Variants in IRAG2 observed in about 807,000 individuals in gnomAD.
The protein encoded by IRAG2 is lymphoid restricted membrane protein.
Under a neutral mutation model 69.9 loss-of-function variants are expected in IRAG2, and 45 were observed. The ratio of observed to expected loss-of-function variants is 0.64; its 90% CI spans 0.51 to 0.83. The LOEUF (loss-of-function observed/expected upper bound fraction) is 0.83, where lower values mean the gene tolerates loss of function less well. IRAG2 is among the 40% of genes least tolerant of loss of function. The pLI is 0.00. For synonymous variants in IRAG2, 193 were observed against 202.4 expected (o/e 0.95, Z 0.40); for missense variants, 520 against 587.0 (o/e 0.89, Z 1.18).
chr12:25,011,641 A>G (rs956381657), intron 3 of IRAG2: 1 of 865,288 alleles, frequency 1.2e-6, no homozygotes, highest in Non-Finnish European at 1.5e-6. Context: ...TGTTGATGGA[A>G]ATACTATTGT....
At chr12:25,033,496 C>T (rs951776822) in intron 12 of IRAG2, among the ~76,000 whole-genome samples, 1 of 152,214 alleles carries the variant, frequency 6.6e-6, no homozygotes, top group African/African-American at 2.4e-5. Context: ...CTCTGTTTAG[C>T]TCCAACTAAT....
At chr12:25,092,271 G>A (rs943563937) in intron 14 of IRAG2, among the ~76,000 whole-genome samples, 1 of 151,958 alleles carries the variant, frequency 6.6e-6, no homozygotes, top group East Asian at 1.9e-4. Context: ...GTGGTGGTGG[G>A]CGCCTGTAGT....
chr12:25,005,866 G>T (rs1018920058), intron 2 of IRAG2, among the ~76,000 whole-genome samples: 8 of 152,022 alleles, frequency 5.3e-5, no homozygotes, highest in Non-Finnish European at 1.0e-4. Context: ...AAAAGCAATT[G>T]CAACAAAACA....
At chr12:25,039,470 A>G (rs554873111) in intron 16 of IRAG2, among the ~76,000 whole-genome samples, 16 of 152,284 alleles carry the variant, frequency 1.1e-4, no homozygotes, top group African/African-American at 3.1e-4. Context: ...TCGCTCTGTC[A>G]CCCAGGCTGG....
At chr12:25,104,140 G>C in intron 19 of IRAG2, 82 bp downstream of exon 19, 1 of 1,145,474 alleles carries the variant, frequency 8.7e-7, no homozygotes, top group Non-Finnish European at 1.3e-6. Context: ...CAAATTAAGT[G>C]ATATAGTAAT....
intron 16 of IRAG2, chr12:25,101,826 C>A: frequency 4.5e-6 from 2 of 447,558 alleles, no homozygotes; most frequent in Non-Finnish European, 8.6e-6. Flanking sequence ...TTAAAATAAA[C>A]AATATGAACT....
chr12:25,026,730 T>G (rs543638877), intron 8 of IRAG2: 1 of 810,448 alleles, frequency 1.2e-6, no homozygotes, highest in Non-Finnish European at 1.7e-6. Flanking sequence ...GAGACTTTGT[T>G]TGTCCTCATC....
chr12:25,042,420 A>G (rs759040326), intron 16 of IRAG2, among the ~76,000 whole-genome samples: 1 of 152,146 alleles, frequency 6.6e-6, no homozygotes. Context: ...TGGGAGAAAA[A>G]TCTTCAAAGG....
In IRAG2 at chr12:25,077,305, T is replaced by TG. The variant is rs1353501055; in HGVS notation, c.25-1939_25-1938insG. ...ATATATGATATATATATGAAATATA[T>TG]ATGATATATATGATATATATATGAT... On this transcript the variant is annotated intron_variant, in intron 6 of 21. Coordinates refer to ENST00000556887, the MANE Select transcript of IRAG2 (RefSeq NM_001366544.2). 3.4e-4 allele frequency among the ~76,000 whole-genome samples: 11 copies of TG among 32,632 alleles called. 2 individuals carry two copies. The highest frequency in any genetic ancestry group is 3.8e-3 in the East Asian group (2 of 528). The allele number at this position is 32,632 out of a possible 152,430, so 21.4% of individuals were successfully genotyped here. A position where few individuals can be genotyped will look rare whatever the true frequency, so the allele number is the denominator to read the frequency against.
At chr12:25,037,474 T>C (rs1944710745) in intron 15 of IRAG2, among the ~76,000 whole-genome samples, 1 of 152,148 alleles carries the variant, frequency 6.6e-6, no homozygotes, top group South Asian at 2.1e-4. Context: ...AATTTTTGTA[T>C]TTTTAGTAGA....
At chr12:25,004,936 G>A (rs914620797) in intron 1 of IRAG2, 39 of 1,212,246 alleles carry the variant, frequency 3.2e-5, no homozygotes, top group Non-Finnish European at 3.9e-5. Context: ...ATCTTTTAAT[G>A]TTTGTCCTTC....
At chr12:25,059,984 T>C (rs1945517017) in intron 1 of IRAG2, among the ~76,000 whole-genome samples, 2 of 152,238 alleles carry the variant, frequency 1.3e-5, no homozygotes, top group Non-Finnish European at 2.9e-5. Context: ...ACCAGATTTC[T>C]ATGTATTTTG....
chr12:25,107,225 G>A (rs1388184441), intron 21 of IRAG2, among the ~76,000 whole-genome samples, 175 bp downstream of exon 21: 1 of 152,094 alleles, frequency 6.6e-6, no homozygotes, highest in African/African-American at 2.4e-5. Flanking sequence ...TCTATTTTGA[G>A]AGACAGACTA....
In IRAG2 at chr12:25,088,127, G is replaced by A. The variant is rs370486813; in HGVS notation, c.343G>A (p.Glu115Lys). 2 of 1,613,262 alleles carry A rather than the reference G, an allele frequency of 1.2e-6. No homozygotes were observed. Among genetic ancestry groups the A allele is most frequent in the Non-Finnish European group, 1.7e-6 (2 of 1,179,410 alleles). Residue 115 changes from glutamate to lysine, a missense_variant, in exon 11 of 22, where the codon GAA becomes AAA. Glu to Lys is a moderately conservative substitution (Grantham distance 56). Coordinates refer to ENST00000556887, the MANE Select transcript of IRAG2 (RefSeq NM_001366544.2). Reference sequence around the variant, plus strand: ...AGCCAAAGAGGAACCAGAAACAATAGAAGAACATAAAAAAGAACATGCTTC... The same window carrying A: ...AGCCAAAGAGGAACCAGAAACAATAAAAGAACATAAAAAAGAACATGCTTC... ...LEAKEEPETI[E>K]EHKKEHASGD...
chr12:25,087,180 T>TTTTTTGTTG (rs1450270058), intron 10 of IRAG2, among the ~76,000 whole-genome samples: 27 of 125,228 alleles, frequency 2.2e-4, no homozygotes, highest in African/African-American at 8.1e-4. Context: ...TTTTTTTTTT[T>TTTTTTGTTG]TTGTTGAGAC....
At chr12:25,036,520 C>T in intron 14 of IRAG2, 2 of 397,892 alleles carry the variant, frequency 5.0e-6, no homozygotes, top group Non-Finnish European at 8.9e-6. Flanking sequence ...ATTTTGGTCT[C>T]AATGGATTCT....
intron 1 of IRAG2, among the ~76,000 whole-genome samples, chr12:25,058,131 A>ACATAG (rs1396748290): frequency 5.3e-5 from 8 of 152,262 alleles, no homozygotes; most frequent in African/African-American, 1.9e-4. Context: ...AACTGTTAGG[A>ACATAG]CATAGCATAG....
chr12:25,073,313 T>A (rs1451318726), intron 6 of IRAG2, among the ~76,000 whole-genome samples: 1 of 152,242 alleles, frequency 6.6e-6, no homozygotes, highest in Non-Finnish European at 1.5e-5. Flanking sequence ...CCAATGCGCA[T>A]GTAGCACCCT....
chr12:25,005,316 TCAC>T (rs1223489148), exon 2 of IRAG2: 1 of 1,230,736 alleles, frequency 8.1e-7, no homozygotes, highest in Non-Finnish European at 1.0e-6. Context: ...GAAGAGGCAC[TCAC>T]AAGTATTTTT....
Sources: gnomAD v4.1 joint callset for allele counts (sites outside exome capture counted in the v4.1 genomes callset) on GRCh38, gnomAD v4.1.1 for gene constraint, MANE v1.5 for transcripts, NCBI Gene and HGNC (gene_info 2026-07-23, HGNC 2026-07-21) for gene names.